FAM9C: variants seen among roughly 807,000 people sequenced by gnomAD.
FAM9C encodes protein FAM9C.
Under a neutral mutation model 14.8 loss-of-function variants are expected in FAM9C, and 15 were observed. The observed-to-expected ratio is 1.02, with a 90% CI of 0.68 to 1.56. The LOEUF (loss-of-function observed/expected upper bound fraction) is 1.56. Among genes scored for constraint, FAM9C ranks in the 40% most tolerant of loss-of-function variants. The pLI, the probability that FAM9C is intolerant of heterozygous loss-of-function variation, is 0.00. For synonymous variants in FAM9C, 45 were observed against 37.5 expected (o/e 1.20, Z -0.74); for missense variants, 116 against 118.0 (o/e 0.98, Z 0.08).
In FAM9C at chrX:13,040,880, G is replaced by A; in HGVS notation, c.215-8C>T. 9.3e-7 allele frequency: 1 copy of A among 1,070,187 alleles called. No homozygotes were observed. The highest frequency in any genetic ancestry group is 1.3e-6 in the Non-Finnish European group (1 of 793,983). 88.2% of individuals were successfully genotyped at this position (1,070,187 alleles called of 1,213,427 possible). A position where few individuals can be genotyped will look rare whatever the true frequency, so the allele number is the denominator to read the frequency against. On this transcript the variant is annotated splice_polypyrimidine_tract_variant and splice_region_variant and intron_variant, in intron 4 of 7. Coordinates refer to ENST00000380625, the MANE Select transcript of FAM9C (RefSeq NM_174901.6). ...GATGCTCTTTAATGTCAGCTAGATA[G>A]TAAATGAATATGCATTAAATGTTCA...
At chrX:13,038,370 G>T in intron 7 of FAM9C, 46 bp downstream of exon 7, 1 of 970,018 alleles carries the variant, frequency 1.0e-6, no homozygotes, top group Non-Finnish European at 1.4e-6. Context: ...TTTTATGCAT[G>T]TGTTGTATTT....
Position 13,039,865 on chromosome X carries a change from C to T in FAM9C, c.381G>A (p.Glu127=), listed in dbSNP as rs1200791943. The change falls in exon 6 of 8, where the codon GAG becomes GAA. Residue 127 remains glutamate, a synonymous_variant. Coordinates refer to ENST00000380625, the MANE Select transcript of FAM9C (RefSeq NM_174901.6). ...ISLKLPNVLE[E]FITDEQKDEE... ...CATCTTTCTGCTCATCTGTGATGAACTCTTCAAGGACATTCGGCAACTTCA... is the reference window on the plus strand; with the variant it reads ...CATCTTTCTGCTCATCTGTGATGAATTCTTCAAGGACATTCGGCAACTTCA... 2 of 1,207,206 alleles carry T rather than the reference C, an allele frequency of 1.7e-6. No individual in the cohort carries two copies. The highest frequency in any genetic ancestry group is 2.2e-6 in the Non-Finnish European group (2 of 894,345).
At chrX:13,039,178 T>C (rs2043504155) in intron 6 of FAM9C, among the ~76,000 whole-genome samples, 1 of 111,781 alleles carries the variant, frequency 8.9e-6, no homozygotes, top group Non-Finnish European at 1.9e-5. Context: ...AAAGTAACTT[T>C]AGCACAGAGA....
chrX:13,038,974 C>T (rs1175017009), intron 6 of FAM9C, among the ~76,000 whole-genome samples: 1 of 111,535 alleles, frequency 9.0e-6, no homozygotes, highest in East Asian at 2.8e-4. Flanking sequence ...CTACGTGGCA[C>T]TCACAGTCAT....
chrX:13,043,539 G>T (rs998587570), intron 2 of FAM9C, among the ~76,000 whole-genome samples, 190 bp downstream of exon 2: 1 of 112,698 alleles, frequency 8.9e-6, no homozygotes, highest in Non-Finnish European at 1.9e-5. Context: ...GCTATGAGGG[G>T]GAGCCTCCCA....
In FAM9C at chrX:13,037,542, T is replaced by A. The variant is rs1311382779; in HGVS notation, c.*25+874A>T. Reference sequence around the variant, plus strand: ...CTTCTATATAAATAACCGTTTTGTGTATAGATAATCTTTGAGTTGCTTGAA... The same window carrying A: ...CTTCTATATAAATAACCGTTTTGTGAATAGATAATCTTTGAGTTGCTTGAA... On this transcript the variant is annotated intron_variant, in intron 7 of 7. Coordinates refer to ENST00000380625, the MANE Select transcript of FAM9C (RefSeq NM_174901.6). 13 of 113,152 alleles carry A rather than the reference T, an allele frequency of 1.1e-4. No individual in the cohort carries two copies. In the Admixed American group the frequency reaches 1.2e-3, roughly 11 times the overall value. 9.3% of individuals were successfully genotyped at this position (113,152 alleles called of 1,213,427 possible).
At chrX:13,039,750 A>G in intron 6 of FAM9C, 58 bp downstream of exon 6, 2 of 1,156,068 alleles carry the variant, frequency 1.7e-6, no homozygotes, top group Non-Finnish European at 2.3e-6. Flanking sequence ...TGCATGAACT[A>G]TTACTACCTG....
intron 6 of FAM9C, among the ~76,000 whole-genome samples, chrX:13,038,885 T>A (rs760140871): frequency 8.9e-6 from 1 of 111,891 alleles, no homozygotes; most frequent in South Asian, 3.7e-4. Context: ...CATTTCAATA[T>A]GTACATAGAT....
intron 4 of FAM9C, chrX:13,041,461 C>T (rs1039581960): frequency 1.8e-5 from 2 of 111,775 alleles, no homozygotes; most frequent in African/African-American, 6.5e-5. Flanking sequence ...GTGTGAGCAA[C>T]CGTGCCCAGC....
Position 13,042,957 on chromosome X carries a change from A to C in FAM9C, c.183-8T>G. On this transcript the variant is annotated splice_polypyrimidine_tract_variant and splice_region_variant and intron_variant, in intron 3 of 7. Coordinates refer to ENST00000380625, the MANE Select transcript of FAM9C (RefSeq NM_174901.6). ...AGCTCCTTGGTATCAACCCTGTAAC[A>C]AAAAGTTGCAACACAATTTTAACAT... The C allele has an allele frequency of 2.5e-6, 3 of 1,183,116 alleles. No homozygotes were observed. Among genetic ancestry groups the C allele is most frequent in the Non-Finnish European group, 3.4e-6 (3 of 883,756 alleles).
Position 13,043,606 on chromosome X carries a change from C to A in FAM9C, c.61+123G>T, listed in dbSNP as rs1256988911. 6 of 844,337 alleles carry A rather than the reference C, an allele frequency of 7.1e-6. No individual in the cohort carries two copies. The African/African-American group carries it at 1.2e-4, about 17-fold the overall frequency. 69.6% of individuals were successfully genotyped at this position (844,337 alleles called of 1,213,427 possible). A position where few individuals can be genotyped will look rare whatever the true frequency, so the allele number is the denominator to read the frequency against. ...AAAACCTGGGGCATCTCAGCACATGCACGGTGAGCTCCAAAGCCACGAAGG... is the reference window on the plus strand; with the variant it reads ...AAAACCTGGGGCATCTCAGCACATGAACGGTGAGCTCCAAAGCCACGAAGG... On this transcript the variant is annotated intron_variant, in intron 2 of 7. Coordinates refer to ENST00000380625, the MANE Select transcript of FAM9C (RefSeq NM_174901.6).
chrX:13,040,957 G>A (rs2043521375), intron 4 of FAM9C, 85 bp from the exon 5 acceptor site: 3 of 464,702 alleles, frequency 6.5e-6, no homozygotes, highest in Non-Finnish European at 1.0e-5. Flanking sequence ...GGACTTGATG[G>A]TTCAGCAATA....
At chrX:13,041,914 T>C (rs1024164408) in intron 4 of FAM9C, 3 of 112,141 alleles carry the variant, frequency 2.7e-5, no homozygotes, top group African/African-American at 9.7e-5. Context: ...ACAAATTTTT[T>C]TACATACAGT....
rs754286867 is a variant in FAM9C, at chrX:13,040,746, C to A, written c.329+12G>T. ...TATAAATATCATTATTCAAAAAAGC[C>A]AACAATCATACCTTTTTAGTTGTGT... On this transcript the variant is annotated intron_variant, in intron 5 of 7. Coordinates refer to ENST00000380625, the MANE Select transcript of FAM9C (RefSeq NM_174901.6). The A allele has an allele frequency of 2.8e-6, 3 of 1,089,581 alleles. No individual in the cohort carries two copies. The highest frequency in any genetic ancestry group is 4.3e-5 in the South Asian group (2 of 46,657). The allele number at this position is 1,089,581 out of a possible 1,213,427, so 89.8% of individuals were successfully genotyped here. A position where few individuals can be genotyped will look rare whatever the true frequency, so the allele number is the denominator to read the frequency against.
chrX:13,039,785 A>G, intron 6 of FAM9C, 23 bp downstream of exon 6: 6 of 1,186,296 alleles, frequency 5.1e-6, no homozygotes, highest in Non-Finnish European at 6.8e-6. Context: ...TAGGTTAATC[A>G]TAAAGCTAAG....
chrX:13,039,773 A>T, intron 6 of FAM9C, 35 bp downstream of exon 6: 1 of 1,179,063 alleles, frequency 8.5e-7, no homozygotes, highest in Non-Finnish European at 1.1e-6. Context: ...ACATTGATAC[A>T]ATAGGTTAAT....
At chrX:13,044,320 G>GCCC (rs1555915122) in intron 1 of FAM9C, among the ~76,000 whole-genome samples, 53 of 52,462 alleles carry the variant, frequency 1.0e-3, no homozygotes, top group African/African-American at 2.8e-3. Context: ...TTGACCCCCC[G>GCCC]ACCCCCCCCC....
chrX:13,037,406 G>T (rs963599698), intron 7 of FAM9C: 9 of 112,762 alleles, frequency 8.0e-5, no homozygotes, highest in African/African-American at 2.9e-4. Context: ...CCTACCCTAA[G>T]TGGTAACATG....
In FAM9C at chrX:13,043,734, A is replaced by T; in HGVS notation, c.56T>A (p.Leu19His). 8.3e-7 allele frequency: 1 copy of T among 1,212,035 alleles called. No homozygotes were observed. Among genetic ancestry groups the T allele is most frequent in the African/African-American group, 1.7e-5 (1 of 57,890 alleles). The change falls in exon 2 of 8, where the codon CTT becomes CAT. Residue 19 changes from leucine to histidine, a missense_variant. Transcript: ENST00000380625. ...TCCCCTTGGGCTGTGTTTACCTGCA[A>T]GCTCCATTTCCTGGGCGGCCATAAC... ...VQVMAAQEME[L>H]AGKDPVSHEH...
Sources: gnomAD v4.1 joint callset for allele counts (sites outside exome capture counted in the v4.1 genomes callset) on GRCh38, gnomAD v4.1.1 for gene constraint, MANE v1.5 for transcripts, NCBI Gene and HGNC (gene_info 2026-07-23, HGNC 2026-07-21) for gene names.